Variants in SPOCK1 observed in about 807,000 individuals in gnomAD.
SPOCK1 encodes SPARC (osteonectin), cwcv and kazal like domains proteoglycan 1.
A neutral mutation model predicts 55.3 loss-of-function variants in SPOCK1; 23 were observed. The ratio of observed to expected loss-of-function variants is 0.42; its 90% confidence interval spans 0.30 to 0.59. The LOEUF is 0.59. Among genes scored for constraint, SPOCK1 ranks in the 20% least tolerant of loss-of-function variants. SPOCK1 has a pLI of 0.22. For synonymous variants in SPOCK1, 226 were observed against 221.0 expected (o/e 1.02, Z -0.20); for missense variants, 499 against 552.5 (o/e 0.90, Z 0.97).
rs758026323 is a variant in SPOCK1, at chr5:137,229,596, G to A, written c.232+37414C>T. Reference sequence around the variant, plus strand: ...ACCAAACAACAGATGTCCATAACAGGGGGCTCAGACGAGAGATGTATTAAG... The same window carrying A: ...ACCAAACAACAGATGTCCATAACAGAGGGCTCAGACGAGAGATGTATTAAG... On this transcript the variant is annotated intron_variant, in intron 3 of 10. Coordinates refer to ENST00000394945, the MANE Select transcript of SPOCK1 (RefSeq NM_004598.4). Among the ~76,000 whole-genome samples the A allele has an allele frequency of 3.2e-4, 48 of 152,158 alleles. 1 individual carries two copies. Among genetic ancestry groups the A allele is most frequent in the Non-Finnish European group, 6.0e-4 (41 of 68,040 alleles).
At chr5:137,178,568 T>C (rs555553408) in intron 3 of SPOCK1, among the ~76,000 whole-genome samples, 2 of 152,290 alleles carry the variant, frequency 1.3e-5, no homozygotes, top group Admixed American at 1.3e-4. Context: ...GAGCAAGAAG[T>C]GAACTCAAAT....
chr5:136,985,670 T>G (rs1291287722), intron 8 of SPOCK1, among the ~76,000 whole-genome samples: 1 of 152,074 alleles, frequency 6.6e-6, no homozygotes, highest in Non-Finnish European at 1.5e-5. Context: ...CCCAGGAAAG[T>G]AAAATAGGCT....
intron 2 of SPOCK1, among the ~76,000 whole-genome samples, chr5:137,377,355 G>A (rs1488921836): frequency 3.9e-5 from 6 of 152,166 alleles, no homozygotes; most frequent in African/African-American, 1.2e-4. Flanking sequence ...GTACCACTGA[G>A]ACAGGAGCAC....
At chr5:137,359,264 G>T (rs1330691930) in intron 2 of SPOCK1, among the ~76,000 whole-genome samples, 1 of 152,116 alleles carries the variant, frequency 6.6e-6, no homozygotes, top group Non-Finnish European at 1.5e-5. Context: ...CTCTCATTTG[G>T]TTATAAGACC....
chr5:137,374,544 A>G (rs1385312820), intron 2 of SPOCK1, among the ~76,000 whole-genome samples: 2 of 152,168 alleles, frequency 1.3e-5, no homozygotes, highest in Non-Finnish European at 2.9e-5. Context: ...GGCATGTCAC[A>G]TCTTCACGGA....
Position 137,494,766 on chromosome 5 carries a change from C to T in SPOCK1, c.186+3607G>A, listed in dbSNP as rs1432593813. On this transcript the variant is annotated intron_variant, in intron 2 of 10. Transcript: ENST00000394945. The stretch of plus-strand genomic sequence containing the variant: ...GTATTTATCTTGTTCACTCTTATAA[C>T]CCAATGCCTAGTCAATGGTAGATAA... Among the ~76,000 whole-genome samples, 3 of 152,158 alleles carry T rather than the reference C, an allele frequency of 2.0e-5. No homozygotes were observed. The East Asian group carries it at 5.8e-4, about 29-fold the overall frequency.
At chr5:137,145,109 T>C (rs1455935217) in intron 3 of SPOCK1, among the ~76,000 whole-genome samples, 1 of 151,392 alleles carries the variant, frequency 6.6e-6, no homozygotes, top group African/African-American at 2.4e-5. Flanking sequence ...AAGAGTCAAC[T>C]GGCACCCAGC....
At chr5:137,074,791 A>G (rs922140274) in intron 5 of SPOCK1, among the ~76,000 whole-genome samples, 4 of 146,284 alleles carry the variant, frequency 2.7e-5, no homozygotes, top group African/African-American at 5.1e-5. Flanking sequence ...TGCAAGCTCC[A>G]CCTCCCAGGT....
chr5:137,072,102 A>G (rs1418524554), intron 5 of SPOCK1, among the ~76,000 whole-genome samples: 1 of 152,254 alleles, frequency 6.6e-6, no homozygotes, highest in East Asian at 1.9e-4. Flanking sequence ...GGAAAGAAAC[A>G]AAACAAAAAC....
chr5:137,134,126 C>T (rs1753935884), intron 4 of SPOCK1, among the ~76,000 whole-genome samples: 1 of 152,198 alleles, frequency 6.6e-6, no homozygotes, highest in African/African-American at 2.4e-5. Context: ...CCCTTACTGG[C>T]AGTGTCCAAT....
chr5:137,128,548 A>C (rs896032826), intron 4 of SPOCK1, among the ~76,000 whole-genome samples: 19 of 152,240 alleles, frequency 1.2e-4, no homozygotes, highest in African/African-American at 4.1e-4. Flanking sequence ...TGTGGGGTTT[A>C]AAGTAATCAT....
At chr5:137,003,861 T>C (rs757757363) in intron 6 of SPOCK1, among the ~76,000 whole-genome samples, 2 of 152,130 alleles carry the variant, frequency 1.3e-5, no homozygotes, top group African/African-American at 2.4e-5. Context: ...GATAGGAAGC[T>C]TAGGAGGTGT....
At chr5:137,168,603 G>C (rs6883372) in intron 3 of SPOCK1, among the ~76,000 whole-genome samples, 6,546 of 152,094 alleles carry the variant, frequency 0.043, 475 homozygotes, top group African/African-American at 0.15. Context: ...TATATAAAAA[G>C]GTGCTCAACA....
chr5:137,112,237 A>T (rs1753489079), intron 5 of SPOCK1, among the ~76,000 whole-genome samples, 198 bp downstream of exon 5: 1 of 152,142 alleles, frequency 6.6e-6, no homozygotes, highest in Non-Finnish European at 1.5e-5. Flanking sequence ...CAACCAGCCC[A>T]GTTACACAGG....
At chr5:137,422,750 G>A (rs903411469) in intron 2 of SPOCK1, among the ~76,000 whole-genome samples, 1 of 152,190 alleles carries the variant, frequency 6.6e-6, no homozygotes, top group African/African-American at 2.4e-5. Context: ...TTAGCTTGGA[G>A]TAGTTTGATC....
intron 2 of SPOCK1, among the ~76,000 whole-genome samples, chr5:137,318,661 T>A (rs1044191217): frequency 1.3e-5 from 2 of 152,220 alleles, no homozygotes; most frequent in Non-Finnish European, 2.9e-5. Context: ...TACCCTTTGA[T>A]TAATGGGAAT....
intron 2 of SPOCK1, among the ~76,000 whole-genome samples, chr5:137,468,494 T>A (rs565731942): frequency 6.6e-6 from 1 of 152,310 alleles, no homozygotes; most frequent in Non-Finnish European, 1.5e-5. Flanking sequence ...GGAAAAGAAA[T>A]TAACAGTTGC....
chr5:137,317,171 T>A (rs1306655499), intron 2 of SPOCK1, among the ~76,000 whole-genome samples: 1 of 152,184 alleles, frequency 6.6e-6, no homozygotes, highest in Non-Finnish European at 1.5e-5. Context: ...GAGTCTCTGG[T>A]CACCAACTAC....
chr5:137,102,761 C>G (rs1340194121), intron 5 of SPOCK1, among the ~76,000 whole-genome samples: 1 of 152,082 alleles, frequency 6.6e-6, no homozygotes, highest in Non-Finnish European at 1.5e-5. Context: ...TTCTCATTTT[C>G]AATTTAGGAC....
Sources: gnomAD v4.1 joint callset for allele counts (sites outside exome capture counted in the v4.1 genomes callset) on GRCh38, gnomAD v4.1.1 for gene constraint, MANE v1.5 for transcripts, NCBI Gene and HGNC (gene_info 2026-07-23, HGNC 2026-07-21) for gene names.